Variants in CFAP47 observed in about 807,000 individuals in gnomAD.
CFAP47 encodes the protein cilia- and flagella-associated protein 47.
A neutral mutation model predicts 148.1 loss-of-function variants in CFAP47; 29 were observed. The ratio of observed to expected loss-of-function variants is 0.20; its 90% CI spans 0.15 to 0.27. CFAP47 has a LOEUF of 0.27. CFAP47 is among the 10% of genes least tolerant of loss of function. The pLI is 1.00. For synonymous variants in CFAP47, 664 were observed against 577.3 expected, an observed-to-expected ratio of 1.15 and a Z score of -2.15; for missense variants, 1,872 against 1,697.5, an observed-to-expected ratio of 1.10 and a Z score of -1.81.
intron 38 of CFAP47, among the ~76,000 whole-genome samples, chrX:36,160,315 A>T (rs1476755456): frequency 1.8e-5 from 2 of 111,503 alleles, no homozygotes; most frequent in African/African-American, 6.5e-5. Flanking sequence ...TCTCACACAA[A>T]TTATCTGAAA....
intron 48 of CFAP47, among the ~76,000 whole-genome samples, chrX:36,241,742 A>G (rs1555996051): frequency 8.9e-6 from 1 of 112,140 alleles, no homozygotes; most frequent in Non-Finnish European, 1.9e-5. Context: ...ACATTAGTCC[A>G]TCAGCTGGTG....
At chrX:36,245,683 G>T (rs1940606593) in intron 48 of CFAP47, among the ~76,000 whole-genome samples, 1 of 111,641 alleles carries the variant, frequency 9.0e-6, no homozygotes, top group Non-Finnish European at 1.9e-5. Context: ...TAAGGGTACA[G>T]TAACCAACAC....
chrX:36,232,606 C>G (rs1390517634), intron 46 of CFAP47, among the ~76,000 whole-genome samples: 2 of 111,567 alleles, frequency 1.8e-5, no homozygotes, highest in Non-Finnish European at 3.8e-5. Flanking sequence ...TTTTGTGTCT[C>G]TATTTCCTTC....
At chrX:36,375,689 C>G (rs1457961889) in intron 62 of CFAP47, among the ~76,000 whole-genome samples, 1 of 112,280 alleles carries the variant, frequency 8.9e-6, no homozygotes, top group Non-Finnish European at 1.9e-5. Context: ...AAGAAGTTTG[C>G]TCATTTAAAG....
intron 45 of CFAP47, among the ~76,000 whole-genome samples, chrX:36,220,690 C>A (rs782427026): frequency 9.0e-6 from 1 of 110,655 alleles, no homozygotes; most frequent in South Asian, 3.8e-4. Flanking sequence ...TTACTAGGAG[C>A]AAATAAGAAT....
In CFAP47 at chrX:35,966,699, T is replaced by A. The variant is rs1440788930; in HGVS notation, c.1545T>A (p.Ala515=). ...AATCTTTCCATCACGTATATTTAGC[T>A]TTCAACAGCATCTGTAAAGCTTCCA... ...SVKSFHHVYL[A]FNSICKASTK... is the part of the protein sequence containing the mutation. Residue 515 remains alanine (A), a synonymous_variant, in exon 9 of 64, where the codon GCT becomes GCA. Coordinates refer to ENST00000378653, the MANE Select transcript of CFAP47 (RefSeq NM_001304548.2). 1 of 1,180,521 alleles carries A rather than the reference T, an allele frequency of 8.5e-7. No individual in the cohort carries two copies. The highest frequency in any genetic ancestry group is 1.1e-6 in the Non-Finnish European group (1 of 879,505).
intron 33 of CFAP47, among the ~76,000 whole-genome samples, chrX:36,116,058 G>C (rs887511803): frequency 8.9e-6 from 1 of 111,752 alleles, no homozygotes; most frequent in Non-Finnish European, 1.9e-5. Flanking sequence ...TTTCTTTTTT[G>C]AGTTAAATTT....
intron 37 of CFAP47, among the ~76,000 whole-genome samples, chrX:36,152,365 T>G: frequency 8.9e-6 from 1 of 111,759 alleles, no homozygotes; most frequent in Non-Finnish European, 1.9e-5. Context: ...TATCCAGAAC[T>G]TACTCAAGTT....
chrX:36,263,546 A>C (rs1482246014), intron 49 of CFAP47, among the ~76,000 whole-genome samples: 1 of 111,864 alleles, frequency 8.9e-6, no homozygotes, highest in East Asian at 2.8e-4. Context: ...AAGACAGAGG[A>C]GCCCCACCTG....
At chrX:36,331,429 G>T (rs1487030056) in intron 57 of CFAP47, among the ~76,000 whole-genome samples, 1 of 110,720 alleles carries the variant, frequency 9.0e-6, no homozygotes, top group Non-Finnish European at 1.9e-5. Context: ...TCTATACATT[G>T]TGACTTCCTA....
chrX:36,350,755 A>G (rs781815284), intron 59 of CFAP47, among the ~76,000 whole-genome samples: 1 of 107,551 alleles, frequency 9.3e-6, no homozygotes, highest in African/African-American at 3.4e-5. Flanking sequence ...CTCTTTCCTC[A>G]ATACTCTTCT....
intron 52 of CFAP47, among the ~76,000 whole-genome samples, chrX:36,299,726 T>G (rs1941279777): frequency 8.9e-6 from 1 of 111,793 alleles, no homozygotes; most frequent in Admixed American, 9.6e-5. Context: ...AGTTCAATTT[T>G]TAAAAATTCT....
At chrX:36,208,887 A>G (rs1555989124) in intron 45 of CFAP47, among the ~76,000 whole-genome samples, 1 of 110,720 alleles carries the variant, frequency 9.0e-6, no homozygotes, top group Admixed American at 9.7e-5. Context: ...AATTGCTAGA[A>G]CCTGGGAGGC....
In CFAP47 at chrX:36,300,922, C is replaced by T. The variant is rs1383208254; in HGVS notation, c.7863-150C>T. 4 of 364,443 alleles carry T rather than the reference C, an allele frequency of 1.1e-5. No homozygotes were observed. In the Admixed American group the frequency reaches 2.3e-4, roughly 21 times the overall value. The allele number at this position is 364,443 out of a possible 1,213,427, so 30.0% of individuals were successfully genotyped here. On this transcript the variant is annotated intron_variant, in intron 52 of 63. Coordinates refer to ENST00000378653, the MANE Select transcript of CFAP47 (RefSeq NM_001304548.2). ...CAAAAATGAAGAATTAAAAATACATCTACAAAAAGAGTAGTATGTGTTACA... is the reference window on the plus strand; with the variant it reads ...CAAAAATGAAGAATTAAAAATACATTTACAAAAAGAGTAGTATGTGTTACA...
intron 42 of CFAP47, among the ~76,000 whole-genome samples, chrX:36,198,229 A>T (rs1254027642): frequency 9.0e-6 from 1 of 111,467 alleles, no homozygotes; most frequent in Non-Finnish European, 1.9e-5. Flanking sequence ...CAATCAATAC[A>T]TGTAAGATAT....
intron 43 of CFAP47, among the ~76,000 whole-genome samples, chrX:36,201,014 G>T (rs1555987980): frequency 9.1e-6 from 1 of 110,110 alleles, no homozygotes; most frequent in African/African-American, 3.3e-5. Context: ...CTGAATTTTT[G>T]AGCATGTTGA....
chrX:36,309,020 T>C (rs1941372802), intron 55 of CFAP47, among the ~76,000 whole-genome samples: 1 of 111,623 alleles, frequency 9.0e-6, no homozygotes, highest in Non-Finnish European at 1.9e-5. Context: ...CCAGAGTCTC[T>C]AAATTAAATT....
At chrX:35,937,986 G>A (rs901930942) in intron 2 of CFAP47, among the ~76,000 whole-genome samples, 14 of 111,363 alleles carry the variant, frequency 1.3e-4, no homozygotes, top group African/African-American at 4.2e-4. Flanking sequence ...TTTTTTTTAT[G>A]TGTCTCCCAA....
At chrX:36,046,819 T>C in intron 25 of CFAP47, 35 bp from the exon 26 acceptor site, 1 of 980,904 alleles carries the variant, frequency 1.0e-6, no homozygotes, top group Non-Finnish European at 1.4e-6. Context: ...GGCAGGTATT[T>C]TGAGCTAATG....
Sources: allele counts gnomAD v4.1 joint callset (sites outside exome capture counted in the v4.1 genomes callset), GRCh38; gene constraint gnomAD v4.1.1; transcripts MANE v1.5; gene names NCBI Gene and HGNC (gene_info 2026-07-23, HGNC 2026-07-21).